TBC1D22A: variants seen among roughly 807,000 people sequenced by gnomAD.
The protein encoded by TBC1D22A is TBC1 domain family member 22A.
Under a neutral mutation model 60.2 loss-of-function variants are expected in TBC1D22A, and 38 were observed. The observed-to-expected ratio is 0.63, with a 90% CI of 0.49 to 0.83. The LOEUF (loss-of-function observed/expected upper bound fraction) is 0.83. Among genes scored for constraint, TBC1D22A ranks in the 40% least tolerant of loss-of-function variants. The pLI, the probability that TBC1D22A is intolerant of heterozygous loss-of-function variation, is 0.00. For synonymous variants in TBC1D22A, 302 were observed against 281.7 expected (o/e 1.07, Z -0.72); for missense variants, 628 against 701.0 (o/e 0.90, Z 1.18).
intron 12 of TBC1D22A, among the ~76,000 whole-genome samples, chr22:47,152,834 G>A (rs2067558949): frequency 6.6e-6 from 1 of 152,212 alleles, no homozygotes; most frequent in Non-Finnish European, 1.5e-5. Context: ...CCCTTCGGGG[G>A]AGACGCAGGA....
chr22:47,061,478 C>T (rs1167236309), intron 11 of TBC1D22A, among the ~76,000 whole-genome samples: 1 of 152,130 alleles, frequency 6.6e-6, no homozygotes, highest in Non-Finnish European at 1.5e-5. Flanking sequence ...CTTGGCAGAG[C>T]CCTTGCTACA....
chr22:46,940,468 A>T (rs1049405877), intron 8 of TBC1D22A, among the ~76,000 whole-genome samples: 1 of 140,066 alleles, frequency 7.1e-6, no homozygotes, highest in Non-Finnish European at 1.5e-5. Flanking sequence ...ATATATATAT[A>T]TGTATGTATG....
At chr22:46,968,490 C>T (rs2073913635) in intron 8 of TBC1D22A, among the ~76,000 whole-genome samples, 1 of 149,350 alleles carries the variant, frequency 6.7e-6, no homozygotes. Context: ...GGCAGGCGTC[C>T]TCACTGCGTG....
intron 9 of TBC1D22A, among the ~76,000 whole-genome samples, chr22:46,996,020 C>A (rs1174485586): frequency 1.3e-5 from 2 of 152,180 alleles, no homozygotes; most frequent in African/African-American, 4.8e-5. Flanking sequence ...GTAGACCTGC[C>A]CCGCTGCCAC....
At chr22:47,136,944 G>A (rs1003392119) in intron 12 of TBC1D22A, among the ~76,000 whole-genome samples, 16 of 152,294 alleles carry the variant, frequency 1.1e-4, no homozygotes, top group African/African-American at 3.6e-4. Context: ...TCGCCCCGGG[G>A]CTGTGGGTGT....
chr22:46,959,548 C>T (rs142083834), intron 8 of TBC1D22A, among the ~76,000 whole-genome samples: 331 of 152,322 alleles, frequency 2.2e-3, no homozygotes, highest in African/African-American at 7.6e-3. Flanking sequence ...CTTGCTGCCA[C>T]ACTGGAGACA....
At chr22:46,801,109 GA>G (rs2084877249) in intron 4 of TBC1D22A, among the ~76,000 whole-genome samples, 2 of 152,236 alleles carry the variant, frequency 1.3e-5, no homozygotes, top group Non-Finnish European at 2.9e-5. Flanking sequence ...TTGTTAGGTT[GA>G]GGGGACTGTG....
At chr22:46,994,217 G>A (rs565982433) in intron 9 of TBC1D22A, among the ~76,000 whole-genome samples, 1 of 152,188 alleles carries the variant, frequency 6.6e-6, no homozygotes. Context: ...TGGAGGCAAA[G>A]AATAACTTTT....
intron 11 of TBC1D22A, among the ~76,000 whole-genome samples, chr22:47,092,490 G>T (rs887868983): frequency 6.6e-6 from 1 of 152,268 alleles, no homozygotes; most frequent in Non-Finnish European, 1.5e-5. Context: ...GAGTGGAGGG[G>T]CTTGGTGGGC....
intron 11 of TBC1D22A, among the ~76,000 whole-genome samples, chr22:47,074,208 T>G (rs1478098186): frequency 6.6e-6 from 1 of 152,244 alleles, no homozygotes; most frequent in African/African-American, 2.4e-5. Flanking sequence ...ACGATGCGTG[T>G]CCTAATCCGG....
intron 5 of TBC1D22A, among the ~76,000 whole-genome samples, chr22:46,881,719 G>A (rs1569168520): frequency 1.3e-5 from 2 of 152,216 alleles, no homozygotes; most frequent in South Asian, 2.1e-4. Flanking sequence ...AGGGGCCAAA[G>A]GCTACAGGGG....
chr22:47,063,641 C>G (rs574110466), intron 11 of TBC1D22A, among the ~76,000 whole-genome samples: 2 of 152,122 alleles, frequency 1.3e-5, no homozygotes, highest in Non-Finnish European at 2.9e-5. Flanking sequence ...GGCTGTCACT[C>G]GCGTGGAGTA....
rs79745498 is a variant in TBC1D22A, at chr22:46,881,057, G to T, written c.708+2334G>T. Among the ~76,000 whole-genome samples the T allele has an allele frequency of 2.6e-5, 4 of 152,198 alleles. No homozygotes were observed. In the East Asian group the frequency reaches 7.7e-4, roughly 29 times the overall value. Reference sequence around the variant, plus strand: ...GAGGCCATGAGAGCTGGGGCACACAGTAGGGGTGGGACAAGCAGGAACACA... The same window carrying T: ...GAGGCCATGAGAGCTGGGGCACACATTAGGGGTGGGACAAGCAGGAACACA... On this transcript the variant is annotated intron_variant, in intron 5 of 12. Transcript: ENST00000337137.
intron 12 of TBC1D22A, among the ~76,000 whole-genome samples, chr22:47,168,007 A>G (rs2068271558): frequency 1.3e-5 from 2 of 152,238 alleles, no homozygotes; most frequent in African/African-American, 2.4e-5. Flanking sequence ...AAACTGAGGC[A>G]TGGAGGGTTA....
intron 4 of TBC1D22A, among the ~76,000 whole-genome samples, chr22:46,804,462 G>C (rs2085043391): frequency 6.6e-6 from 1 of 152,132 alleles, no homozygotes; most frequent in Admixed American, 6.5e-5. Context: ...CAGTTTTTCA[G>C]AGCTCACTAG....
chr22:46,928,267 A>C (rs2071162889), intron 8 of TBC1D22A, among the ~76,000 whole-genome samples: 1 of 152,248 alleles, frequency 6.6e-6, no homozygotes, highest in South Asian at 2.1e-4. Context: ...CCAAAGATAA[A>C]CCTTCATATT....
chr22:47,152,655 A>G (rs942090966), intron 12 of TBC1D22A, among the ~76,000 whole-genome samples: 3 of 152,370 alleles, frequency 2.0e-5, no homozygotes, highest in East Asian at 1.9e-4. Flanking sequence ...AGATGGAACT[A>G]GTATTTACTG....
chr22:46,893,157 G>T (rs540226092), intron 6 of TBC1D22A, among the ~76,000 whole-genome samples: 7 of 152,318 alleles, frequency 4.6e-5, no homozygotes, highest in South Asian at 2.1e-4. Flanking sequence ...CAGGTTTCCC[G>T]CTTGCTTTCC....
At chr22:46,764,523 T>C (rs1171966702) in intron 1 of TBC1D22A, among the ~76,000 whole-genome samples, 4 of 152,206 alleles carry the variant, frequency 2.6e-5, no homozygotes, top group Non-Finnish European at 4.4e-5. Flanking sequence ...AACCTTTGGA[T>C]TGAAGGCTGT....
Sources: gnomAD v4.1 joint callset for allele counts (sites outside exome capture counted in the v4.1 genomes callset) on GRCh38, gnomAD v4.1.1 for gene constraint, MANE v1.5 for transcripts, NCBI Gene and HGNC (gene_info 2026-07-23, HGNC 2026-07-21) for gene names.